The following MYLK4 variants were observed in gnomAD, a reference collection of about 807,000 sequenced individuals.
The protein encoded by MYLK4 is caMLCK like.
In MYLK4, 46 loss-of-function variants were observed where a neutral mutation model predicts 48.1. That is an observed-to-expected ratio of 0.96 (90% CI 0.75 to 1.22). The LOEUF is 1.22. Among genes scored for constraint, MYLK4 ranks in the 50% most tolerant of loss-of-function variants. MYLK4 has a pLI of 0.00. For missense variants in MYLK4, 451 were observed against 486.1 expected (o/e 0.93, Z 0.68); for synonymous variants, 170 against 180.8 (o/e 0.94, Z 0.48).
chr6:2,762,999 A>C, the MYLK4 span, among the ~76,000 whole-genome samples: 2,133 of 152,282 alleles, frequency 0.014, 44 homozygotes, highest in African/African-American at 0.049. Context: ...CACACAAGCA[A>C]AAGAAAGCCA....
At position 2,747,844 on chromosome 6, in the gene MYLK4, G is replaced by T. The variant is rs966994085; in HGVS notation, c.159+1292C>A. Among the ~76,000 whole-genome samples the T allele has an allele frequency of 2.0e-5, 3 of 152,262 alleles. No homozygotes were observed. In the East Asian group the frequency reaches 5.8e-4, roughly 29 times the overall value. On this transcript the variant is annotated intron_variant, in intron 2 of 12. Transcript: ENST00000274643. ...ATAAACAGAAAAAATTATCCTGTTT[G>T]TACCACTGAAAACCCTAATGAGAAA...
intron 12 of MYLK4, among the ~76,000 whole-genome samples, chr6:2,669,831 T>C (rs778377973): frequency 1.6e-4 from 25 of 152,232 alleles, no homozygotes; most frequent in Non-Finnish European, 2.6e-4. Context: ...GTAAATGGAA[T>C]GCACAAGCCT....
At chr6:2,744,083 C>A in intron 2 of MYLK4, 1 of 398,876 alleles carries the variant, frequency 2.5e-6, no homozygotes, top group South Asian at 1.3e-4. Flanking sequence ...TGTTCCTTCC[C>A]TGCCCTGATC....
At chr6:2,692,927 G>T in intron 2 of MYLK4, 68 bp from the exon 3 acceptor site, 2 of 1,391,944 alleles carry the variant, frequency 1.4e-6, no homozygotes, top group South Asian at 1.2e-5. Flanking sequence ...CAGCACTCCT[G>T]ACACTTGCGC....
At chr6:2,725,589 A>AAGAAAGAAAG (rs1763237043) in intron 2 of MYLK4, among the ~76,000 whole-genome samples, 4 of 145,146 alleles carry the variant, frequency 2.8e-5, no homozygotes, top group Non-Finnish European at 4.5e-5. Flanking sequence ...AAGAAAGAGA[A>AAGAAAGAAAG]AGAAAGAAAG....
At chr6:2,686,925 G>A (rs922898467) in intron 4 of MYLK4, among the ~76,000 whole-genome samples, 10 of 152,140 alleles carry the variant, frequency 6.6e-5, no homozygotes, top group Non-Finnish European at 1.3e-4. Context: ...AGCCAGCAGT[G>A]GTGCCCATCA....
intron 2 of MYLK4, chr6:2,743,973 A>C: frequency 2.5e-6 from 1 of 398,800 alleles, no homozygotes; most frequent in South Asian, 1.3e-4. Context: ...CAGAGAACTG[A>C]AGACGAGAGA....
intron 2 of MYLK4, among the ~76,000 whole-genome samples, chr6:2,740,136 G>T (rs1460382049): frequency 6.6e-6 from 1 of 152,206 alleles, no homozygotes; most frequent in African/African-American, 2.4e-5. Flanking sequence ...TGGGTTTTGG[G>T]CAGGTCAGTG....
At chr6:2,703,205 G>A (rs1431841419) in intron 2 of MYLK4, among the ~76,000 whole-genome samples, 1 of 152,178 alleles carries the variant, frequency 6.6e-6, no homozygotes, top group Non-Finnish European at 1.5e-5. Flanking sequence ...GTGAGCAACT[G>A]TGGACTCCCA....
At chr6:2,743,697 C>T (rs1486692144) in intron 2 of MYLK4, among the ~76,000 whole-genome samples, 1 of 152,144 alleles carries the variant, frequency 6.6e-6, no homozygotes, top group African/African-American at 2.4e-5. Context: ...AATCCCTGCC[C>T]GTGAGGTTCC....
At chr6:2,668,343 C>A (rs936189624) in intron 12 of MYLK4, among the ~76,000 whole-genome samples, 17 of 152,236 alleles carry the variant, frequency 1.1e-4, no homozygotes, top group African/African-American at 3.4e-4. Context: ...CCACGTCTGA[C>A]CTGGGGCCCG....
At chr6:2,688,775 A>G (rs1486773277) in intron 4 of MYLK4, 76 bp downstream of exon 4, 2 of 1,153,334 alleles carry the variant, frequency 1.7e-6, no homozygotes, top group African/African-American at 3.0e-5. Flanking sequence ...TCAGGTCAAG[A>G]CAGGCAGACA....
chr6:2,756,074 C>T, the MYLK4 span, among the ~76,000 whole-genome samples: 1 of 151,794 alleles, frequency 6.6e-6, no homozygotes, highest in Non-Finnish European at 1.5e-5. Context: ...TATCATGTTC[C>T]CCAACAATGC....
chr6:2,766,857 G>A, the MYLK4 span, among the ~76,000 whole-genome samples: 1 of 149,892 alleles, frequency 6.7e-6, no homozygotes. Context: ...ACATAATAAC[G>A]GATTCAGCTT....
chr6:2,686,402 G>A (rs1761551755), intron 4 of MYLK4, among the ~76,000 whole-genome samples: 2 of 152,204 alleles, frequency 1.3e-5, no homozygotes, highest in Non-Finnish European at 2.9e-5. Flanking sequence ...ATATTGCCAA[G>A]TCACCTATGA....
chr6:2,762,507 A>C, the MYLK4 span, among the ~76,000 whole-genome samples: 118 of 152,222 alleles, frequency 7.8e-4, no homozygotes, highest in African/African-American at 2.6e-3. Context: ...TGGCCACGTT[A>C]TCTCTATAAA....
At chr6:2,709,289 G>A (rs1404302253) in intron 2 of MYLK4, among the ~76,000 whole-genome samples, 3 of 152,158 alleles carry the variant, frequency 2.0e-5, no homozygotes, top group African/African-American at 7.2e-5. Context: ...ATATCAAAAA[G>A]AAAACATCAT....
chr6:2,746,659 T>C (rs1466011266), intron 2 of MYLK4, among the ~76,000 whole-genome samples: 1 of 152,146 alleles, frequency 6.6e-6, no homozygotes, highest in Non-Finnish European at 1.5e-5. Context: ...ACAGGGGATG[T>C]TTCTACTATG....
intron 2 of MYLK4, among the ~76,000 whole-genome samples, chr6:2,697,647 A>T (rs1046064938): frequency 3.3e-5 from 5 of 152,328 alleles, no homozygotes; most frequent in East Asian, 1.9e-4. Flanking sequence ...TCCTTCTTTC[A>T]TTCCCATTCA....
Sources: allele counts gnomAD v4.1 joint callset (sites outside exome capture counted in the v4.1 genomes callset), GRCh38; gene constraint gnomAD v4.1.1; transcripts MANE v1.5; gene names NCBI Gene and HGNC (gene_info 2026-07-23, HGNC 2026-07-21).